The following CSMD1 variants were observed in gnomAD, a reference collection of about 807,000 sequenced individuals.
CSMD1 encodes the protein CUB and Sushi multiple domains 1.
CSMD1 carries 213 observed loss-of-function variants against 417.5 expected under a neutral mutation model. The ratio of observed to expected loss-of-function variants is 0.51; its 90% CI spans 0.46 to 0.57. The LOEUF (loss-of-function observed/expected upper bound fraction) is 0.57, where lower values mean the gene tolerates loss of function less well. Among genes scored for constraint, CSMD1 ranks in the 20% least tolerant of loss-of-function variants. The probability of loss-of-function intolerance (pLI) is 0.00; values close to 1 mark genes in which losing one functional copy is unlikely to be tolerated. For missense variants in CSMD1, 6,923 were observed against 4,529.7 expected (o/e 1.53, Z -15.17); for synonymous variants, 2,862 against 1,736.8 (o/e 1.65, Z -16.11).
In CSMD1 at chr8:3,503,427, G is replaced by C. The variant is rs111355024; in HGVS notation, c.1345-9701C>G. ...TGATTCAGGGTGGGAAATAAAGTTT[G>C]CACAGGCAGTGAAAAGCGCAATTCC... On this transcript the variant is annotated intron_variant, in intron 10 of 69. Coordinates refer to ENST00000635120, the MANE Select transcript of CSMD1 (RefSeq NM_033225.6). Among the ~76,000 whole-genome samples the C allele has an allele frequency of 3.9e-5, 6 of 152,362 alleles. 1 individual carries two copies. Among genetic ancestry groups the C allele is most frequent in the African/African-American group, 1.4e-4 (6 of 41,582 alleles).
chr8:4,353,056 A>C (rs1421116378), intron 3 of CSMD1, among the ~76,000 whole-genome samples: 4 of 152,240 alleles, frequency 2.6e-5, no homozygotes, highest in Non-Finnish European at 4.4e-5. Context: ...TTGTAGAAAG[A>C]GTAAAATCAG....
intron 1 of CSMD1, among the ~76,000 whole-genome samples, chr8:4,945,963 A>G (rs1337253399): frequency 6.6e-6 from 1 of 152,188 alleles, no homozygotes; most frequent in African/African-American, 2.4e-5. Flanking sequence ...AAAGTAGGAC[A>G]TATCAGAGGC....
intron 3 of CSMD1, among the ~76,000 whole-genome samples, chr8:4,396,908 A>C (rs1246575004): frequency 6.6e-6 from 1 of 152,072 alleles, no homozygotes; most frequent in Non-Finnish European, 1.5e-5. Context: ...TGGGAAACAA[A>C]AGACTACACC....
intron 42 of CSMD1, 73 bp downstream of exon 42, chr8:3,118,326 G>C (rs547190889): frequency 1.3e-4 from 140 of 1,050,590 alleles, no homozygotes; most frequent in Non-Finnish European, 1.8e-4. Context: ...TACTGGATAT[G>C]TTCATTTAAT....
At chr8:3,674,813 G>C (rs1416315450) in intron 7 of CSMD1, among the ~76,000 whole-genome samples, 2 of 152,100 alleles carry the variant, frequency 1.3e-5, no homozygotes, top group South Asian at 2.1e-4. Context: ...TTCCAAATGA[G>C]GCTGCACTGA....
chr8:3,118,827 C>G (rs1302364497), intron 41 of CSMD1, among the ~76,000 whole-genome samples: 1 of 152,010 alleles, frequency 6.6e-6, no homozygotes, highest in Non-Finnish European at 1.5e-5. Context: ...GTAGCACATA[C>G]CAAAAGTAAA....
chr8:3,119,718 GC>G (rs757005660), intron 41 of CSMD1, among the ~76,000 whole-genome samples: 30 of 152,258 alleles, frequency 2.0e-4, no homozygotes, highest in Non-Finnish European at 3.2e-4. Flanking sequence ...GAATATTTAG[GC>G]ACACCTTTGT....
chr8:4,983,381 T>C, intron 1 of CSMD1, among the ~76,000 whole-genome samples: 1 of 152,226 alleles, frequency 6.6e-6, no homozygotes, highest in Non-Finnish European at 1.5e-5. Context: ...CATTTATTTA[T>C]TTATTAAAGA....
At chr8:3,552,579 T>G (rs1211852615) in intron 10 of CSMD1, among the ~76,000 whole-genome samples, 1 of 152,312 alleles carries the variant, frequency 6.6e-6, no homozygotes, top group South Asian at 2.1e-4. Context: ...ATTGTGGTTA[T>G]GCAAATATAA....
intron 3 of CSMD1, among the ~76,000 whole-genome samples, chr8:4,166,918 C>T (rs534414996): frequency 2.2e-4 from 33 of 152,182 alleles, no homozygotes; most frequent in African/African-American, 7.7e-4. Flanking sequence ...TTTGAATGCT[C>T]AGCAGCCAGG....
At chr8:3,281,606 A>C (rs1473709398) in intron 26 of CSMD1, among the ~76,000 whole-genome samples, 4 of 152,090 alleles carry the variant, frequency 2.6e-5, no homozygotes, top group Admixed American at 2.6e-4. Flanking sequence ...CGTGATTCTA[A>C]CTCTGTGACT....
chr8:4,212,751 CTTTTTTTT>C (rs5889027), intron 3 of CSMD1, among the ~76,000 whole-genome samples: 8 of 99,232 alleles, frequency 8.1e-5, no homozygotes, highest in Admixed American at 3.3e-4. Context: ...CGGCCTTATT[CTTTTTTTT>C]TTTTTTTTTT....
At chr8:4,976,624 T>G (rs1810577031) in intron 1 of CSMD1, among the ~76,000 whole-genome samples, 1 of 152,188 alleles carries the variant, frequency 6.6e-6, no homozygotes, top group Admixed American at 6.5e-5. Context: ...GCACATTGTG[T>G]GCTAAACTCA....
chr8:3,496,554 G>C (rs1447227104), intron 10 of CSMD1, among the ~76,000 whole-genome samples: 1 of 152,142 alleles, frequency 6.6e-6, no homozygotes, highest in Non-Finnish European at 1.5e-5. Context: ...GTTTTGGTAT[G>C]TTGTATTTCT....
rs528431107 is a variant in CSMD1, at chr8:4,383,254, G to C, written c.415+36699C>G. Among the ~76,000 whole-genome samples, 3 of 152,286 alleles carry C rather than the reference G, an allele frequency of 2.0e-5. No individual in the cohort carries two copies. The South Asian group carries it at 6.2e-4, about 32-fold the overall frequency. On this transcript the variant is annotated intron_variant, in intron 3 of 69. Transcript: ENST00000635120. ...TTGGAAGTAGATTCTGAGCAGCATT[G>C]TCTAGTACAGTTTGTATTCCTTTCC...
intron 3 of CSMD1, among the ~76,000 whole-genome samples, chr8:4,066,118 C>T (rs1463097227): frequency 4.6e-5 from 7 of 152,064 alleles, no homozygotes; most frequent in African/African-American, 1.4e-4. Context: ...CCCTCCTGAG[C>T]CTTTGTTCAA....
chr8:4,957,667 A>G (rs888863615), intron 1 of CSMD1, among the ~76,000 whole-genome samples: 2 of 152,250 alleles, frequency 1.3e-5, no homozygotes, highest in Non-Finnish European at 2.9e-5. Context: ...AAATTAACAA[A>G]AGGATATAAA....
intron 6 of CSMD1, among the ~76,000 whole-genome samples, chr8:3,749,839 A>G (rs1161892110): frequency 6.6e-6 from 1 of 151,420 alleles, no homozygotes; most frequent in Non-Finnish European, 1.5e-5. Context: ...GTTAATGAAC[A>G]CTGAGGTGGT....
chr8:4,683,367 C>G (rs569518251), intron 1 of CSMD1, among the ~76,000 whole-genome samples: 1 of 152,050 alleles, frequency 6.6e-6, no homozygotes, highest in African/African-American at 2.4e-5. Flanking sequence ...TTCTCCAAGC[C>G]GAAACCCTCT....
Sources: gnomAD v4.1 joint callset for allele counts (sites outside exome capture counted in the v4.1 genomes callset) on GRCh38, gnomAD v4.1.1 for gene constraint, MANE v1.5 for transcripts, NCBI Gene and HGNC (gene_info 2026-07-23, HGNC 2026-07-21) for gene names.